The following TLL1 variants were observed in gnomAD, a reference collection of about 807,000 sequenced individuals.
The protein encoded by TLL1 is tolloid like 1.
TLL1 carries 49 observed loss-of-function variants against 128.2 expected under a neutral mutation model. The ratio of observed to expected loss-of-function variants is 0.38; its 90% confidence interval spans 0.30 to 0.48. TLL1 has a LOEUF of 0.48. Among genes scored for constraint, TLL1 ranks in the 20% least tolerant of loss-of-function variants. The pLI, the probability that TLL1 is intolerant of heterozygous loss-of-function variation, is 0.96. For missense variants in TLL1, 1,123 were observed against 1,242.0 expected, an observed-to-expected ratio of 0.90 and a Z score of 1.44; for synonymous variants, 454 against 418.8, an observed-to-expected ratio of 1.08 and a Z score of -1.03.
chr4:165,930,629 A>G (rs1338577231), intron 1 of TLL1, among the ~76,000 whole-genome samples: 1 of 151,946 alleles, frequency 6.6e-6, no homozygotes, highest in Non-Finnish European at 1.5e-5. Context: ...AAGTTTACTG[A>G]CTCCTGCATT....
intron 8 of TLL1, among the ~76,000 whole-genome samples, chr4:166,024,183 A>G (rs547112251): frequency 6.6e-6 from 1 of 152,368 alleles, no homozygotes; most frequent in Non-Finnish European, 1.5e-5. Context: ...TACTTCAAAT[A>G]TATTGTGTTG....
chr4:166,000,957 C>T (rs973028785), intron 5 of TLL1, among the ~76,000 whole-genome samples: 2 of 151,830 alleles, frequency 1.3e-5, no homozygotes, highest in Non-Finnish European at 2.9e-5. Flanking sequence ...CAAATTAATT[C>T]ATCTAACTGG....
At chr4:166,014,319 A>G in intron 7 of TLL1, 117 bp from the exon 8 acceptor site, 1 of 1,476,858 alleles carries the variant, frequency 6.8e-7, no homozygotes, top group East Asian at 2.3e-5. Flanking sequence ...CTTAAAGCAC[A>G]CAAGGTGTAG....
At chr4:165,996,878 A>G (rs532959936) in intron 5 of TLL1, among the ~76,000 whole-genome samples, 1 of 150,224 alleles carries the variant, frequency 6.7e-6, no homozygotes, top group Non-Finnish European at 1.5e-5. Flanking sequence ...TGATATGTAT[A>G]TATTAATATT....
chr4:165,971,073 G>A lies in TLL1; in HGVS notation c.170-18308G>A, dbSNP rs561669058. ...ATATTAACTTAAAAACAATTATCCT[G>A]ATGATTCTACTTATATGTAAATAAT... On this transcript the variant is annotated intron_variant, in intron 1 of 20. Transcript: ENST00000061240. Among the ~76,000 whole-genome samples the A allele has an allele frequency of 2.0e-5, 3 of 152,284 alleles. No homozygotes were observed. In the South Asian group the frequency reaches 6.2e-4, roughly 32 times the overall value.
At chr4:165,954,161 A>C (rs1734666542) in intron 1 of TLL1, among the ~76,000 whole-genome samples, 2 of 152,102 alleles carry the variant, frequency 1.3e-5, no homozygotes, top group Non-Finnish European at 2.9e-5. Flanking sequence ...GAATATTGCC[A>C]ACGGCTATAC....
chr4:166,094,287 G>C (rs1741919503), intron 19 of TLL1, among the ~76,000 whole-genome samples: 1 of 152,122 alleles, frequency 6.6e-6, no homozygotes, highest in South Asian at 2.1e-4. Flanking sequence ...TTCTAATTCT[G>C]ATTGTCTCCA....
chr4:166,072,984 C>T (rs1445582045), intron 16 of TLL1, among the ~76,000 whole-genome samples: 1 of 152,100 alleles, frequency 6.6e-6, no homozygotes, highest in Non-Finnish European at 1.5e-5. Context: ...ACCCAGGGTA[C>T]AACTGAGCTT....
At chr4:166,038,490 G>GA (rs200845034) in intron 9 of TLL1, among the ~76,000 whole-genome samples, 54,643 of 145,240 alleles carry the variant, frequency 0.38, 9,934 homozygotes, top group Middle Eastern at 0.4. Context: ...TTTTGAATGT[G>GA]AAAAAAAAAA....
chr4:165,905,514 G>A (rs536071454), intron 1 of TLL1, among the ~76,000 whole-genome samples: 4 of 152,174 alleles, frequency 2.6e-5, no homozygotes, highest in East Asian at 3.9e-4. Context: ...AAAGGATTTC[G>A]TGTACTAAAT....
At chr4:166,067,523 G>C (rs1341039154) in intron 16 of TLL1, among the ~76,000 whole-genome samples, 1 of 151,658 alleles carries the variant, frequency 6.6e-6, no homozygotes, top group East Asian at 1.9e-4. Flanking sequence ...CATCTCTGTG[G>C]AACTGTGCTT....
chr4:166,014,350 G>A (rs551803748), intron 7 of TLL1, 86 bp from the exon 8 acceptor site: 1 of 1,596,416 alleles, frequency 6.3e-7, no homozygotes, highest in Non-Finnish European at 8.6e-7. Flanking sequence ...ATTGACTTGA[G>A]TTTGAAATAA....
chr4:166,074,869 C>G lies in TLL1; in HGVS notation c.2189-9C>G, dbSNP rs147935812. 152 of 1,613,044 alleles carry G rather than the reference C, an allele frequency of 9.4e-5. 3 individuals are homozygous for G. In the East Asian group the frequency reaches 3.3e-3, roughly 35 times the overall value. ...ACTTACTAGACTATGGGATTGATCT[C>G]TTTGCTAGACAAAGATGAATGCTCT... On this transcript the variant is annotated splice_polypyrimidine_tract_variant and intron_variant, in intron 16 of 20. Transcript: ENST00000061240.
chr4:166,064,890 A>C (rs928330667), intron 15 of TLL1, among the ~76,000 whole-genome samples: 1 of 152,122 alleles, frequency 6.6e-6, no homozygotes, highest in Non-Finnish European at 1.5e-5. Context: ...ATCTTGCCCC[A>C]GGGTTCAATC....
intron 1 of TLL1, among the ~76,000 whole-genome samples, chr4:165,918,738 T>G (rs530076748): frequency 1.6e-4 from 25 of 152,278 alleles, no homozygotes; most frequent in African/African-American, 5.8e-4. Flanking sequence ...GTTTGTGTTT[T>G]TTATTTTGAG....
At chr4:166,039,782 A>C (rs997218108) in intron 10 of TLL1, among the ~76,000 whole-genome samples, 1 of 152,122 alleles carries the variant, frequency 6.6e-6, no homozygotes. Context: ...ATTAAAAAAA[A>C]CTAATTGTGG....
intron 1 of TLL1, among the ~76,000 whole-genome samples, chr4:165,895,039 T>C (rs1731609026): frequency 6.6e-6 from 1 of 152,030 alleles, no homozygotes; most frequent in Admixed American, 6.5e-5. Flanking sequence ...ATGTAATCTA[T>C]TAATGAGATA....
chr4:166,097,363 A>G (rs1560869740), intron 19 of TLL1, among the ~76,000 whole-genome samples: 1 of 152,114 alleles, frequency 6.6e-6, no homozygotes, highest in Non-Finnish European at 1.5e-5. Context: ...CCTCACATAA[A>G]TACATTTGTA....
chr4:165,947,274 C>A (rs79522007), intron 1 of TLL1, among the ~76,000 whole-genome samples: 4 of 151,934 alleles, frequency 2.6e-5, no homozygotes, highest in Admixed American at 2.0e-4. Flanking sequence ...AAATCAAGAC[C>A]CCATCCTTAA....
Sources: allele counts gnomAD v4.1 joint callset (sites outside exome capture counted in the v4.1 genomes callset), GRCh38; gene constraint gnomAD v4.1.1; transcripts MANE v1.5; gene names NCBI Gene and HGNC (gene_info 2026-07-23, HGNC 2026-07-21).